Variants in RYR2 observed in about 807,000 individuals in gnomAD.
RYR2 encodes the protein cardiac muscle ryanodine receptor-calcium release channel.
A neutral mutation model predicts 601.1 loss-of-function variants in RYR2; 227 were observed. The observed-to-expected ratio is 0.38, with a 90% CI of 0.34 to 0.42. RYR2 has a LOEUF of 0.42. RYR2 is among the 10% of genes least tolerant of loss of function. The pLI is 1.00. For synonymous variants in RYR2, 2,223 were observed against 2,175.1 expected, an observed-to-expected ratio of 1.02 and a Z score of -0.61; for missense variants, 4,646 against 6,156.5, an observed-to-expected ratio of 0.75 and a Z score of 8.21.
intron 25 of RYR2, 56 bp from the exon 26 acceptor site, chr1:237,548,375 A>C: frequency 6.4e-7 from 1 of 1,570,458 alleles, no homozygotes; most frequent in Admixed American, 1.8e-5. Flanking sequence ...TGATATTTAC[A>C]GAGATTTTTA....
At chr1:237,397,179 A>G (rs989754243) in intron 10 of RYR2, among the ~76,000 whole-genome samples, 1 of 151,994 alleles carries the variant, frequency 6.6e-6, no homozygotes. Context: ...TGGAGATTGC[A>G]GTGAGCTGAG....
intron 2 of RYR2, among the ~76,000 whole-genome samples, chr1:237,309,702 C>T (rs1416243160): frequency 2.0e-5 from 3 of 152,270 alleles, no homozygotes; most frequent in East Asian, 1.9e-4. Context: ...CGGGGAGGCT[C>T]GGACACGCAG....
intron 25 of RYR2, among the ~76,000 whole-genome samples, chr1:237,530,990 A>G (rs1481101956): frequency 2.6e-5 from 4 of 152,304 alleles, no homozygotes; most frequent in East Asian, 3.9e-4. Flanking sequence ...GTGAAACAAT[A>G]GTTTCTATCA....
chr1:237,255,209 G>A (rs1366628743), intron 1 of RYR2, among the ~76,000 whole-genome samples: 2 of 152,152 alleles, frequency 1.3e-5, no homozygotes, highest in Non-Finnish European at 2.9e-5. Flanking sequence ...TTTTGTTGAT[G>A]TTACTGTTTG....
At chr1:237,732,207 TGA>T in intron 78 of RYR2, 58 bp downstream of exon 78, 2 of 994,274 alleles carry the variant, frequency 2.0e-6, no homozygotes, top group Non-Finnish European at 3.1e-6. Context: ...CACCCGTGTC[TGA>T]GTATTCTGTG....
chr1:237,202,937 C>A (rs1053445039), intron 1 of RYR2, among the ~76,000 whole-genome samples: 1 of 152,160 alleles, frequency 6.6e-6, no homozygotes, highest in Non-Finnish European at 1.5e-5. Flanking sequence ...ACCATAGAAA[C>A]AACTTTCTAA....
chr1:237,252,666 A>G (rs1687575009), intron 1 of RYR2, among the ~76,000 whole-genome samples: 2 of 152,290 alleles, frequency 1.3e-5, no homozygotes, highest in South Asian at 2.1e-4. Context: ...TATTCTGGTA[A>G]TTGTTTCCTG....
At chr1:237,815,528 G>A (rs2794832) in intron 100 of RYR2, among the ~76,000 whole-genome samples, 37,289 of 152,060 alleles carry the variant, frequency 0.25, 5,019 homozygotes, top group East Asian at 0.56. Flanking sequence ...TAAATAATCA[G>A]ATGCACAAGA....
At chr1:237,245,339 C>CT (rs1474533483) in intron 1 of RYR2, among the ~76,000 whole-genome samples, 1 of 152,074 alleles carries the variant, frequency 6.6e-6, no homozygotes, top group African/African-American at 2.4e-5. Flanking sequence ...CATGGCTTAC[C>CT]ACATTGAGCA....
chr1:237,801,747 A>G (rs945133642), intron 97 of RYR2, 109 bp from the exon 98 acceptor site: 9 of 575,682 alleles, frequency 1.6e-5, no homozygotes, highest in South Asian at 2.9e-5. Flanking sequence ...TTTCCCAAGA[A>G]GGTGTCCAAG....
At chr1:237,676,524 C>T (rs920019869) in intron 60 of RYR2, among the ~76,000 whole-genome samples, 2 of 152,092 alleles carry the variant, frequency 1.3e-5, no homozygotes, top group Non-Finnish European at 2.9e-5. Context: ...TTGTGTGTAC[C>T]GTTTTCAGAT....
chr1:237,766,845 G>A (rs910469947), intron 84 of RYR2, among the ~76,000 whole-genome samples: 3 of 152,064 alleles, frequency 2.0e-5, no homozygotes, highest in South Asian at 2.1e-4. Context: ...GGTCATTTTC[G>A]TTGTCTTGGC....
intron 54 of RYR2, among the ~76,000 whole-genome samples, chr1:237,658,550 C>T (rs527893407): frequency 8.5e-4 from 129 of 152,208 alleles, no homozygotes; most frequent in African/African-American, 3.0e-3. Flanking sequence ...CACCACCATA[C>T]CTTGCTAATT....
chr1:237,818,287 G>T (rs1662062346), intron 100 of RYR2, among the ~76,000 whole-genome samples: 1 of 152,176 alleles, frequency 6.6e-6, no homozygotes, highest in African/African-American at 2.4e-5. Context: ...CTAAGGGGTA[G>T]AGATCAAGGG....
chr1:237,446,253 A>T (rs1330785789), intron 14 of RYR2, among the ~76,000 whole-genome samples: 1 of 152,174 alleles, frequency 6.6e-6, no homozygotes, highest in East Asian at 1.9e-4. Context: ...CTTGTGACCA[A>T]CATGTTTTCT....
At chr1:237,156,188 C>G (rs1675310883) in intron 1 of RYR2, among the ~76,000 whole-genome samples, 1 of 152,200 alleles carries the variant, frequency 6.6e-6, no homozygotes, top group Non-Finnish European at 1.5e-5. Flanking sequence ...TGGGACCCCA[C>G]CCAGGTGCTA....
chr1:237,432,311 G>A (rs1226377262), intron 12 of RYR2, among the ~76,000 whole-genome samples: 1 of 151,946 alleles, frequency 6.6e-6, no homozygotes, highest in Non-Finnish European at 1.5e-5. Flanking sequence ...TATTTCAAAT[G>A]AGCTCCGAAT....
At chr1:237,399,795 C>T (rs548900987) in intron 10 of RYR2, among the ~76,000 whole-genome samples, 16 of 151,830 alleles carry the variant, frequency 1.1e-4, no homozygotes, top group East Asian at 3.9e-4. Flanking sequence ...GTGTGTGAGA[C>T]GTGCAGTTTC....
intron 2 of RYR2, among the ~76,000 whole-genome samples, chr1:237,328,272 GT>G (rs554335068): frequency 2.0e-5 from 3 of 151,706 alleles, no homozygotes; most frequent in Non-Finnish European, 2.9e-5. Context: ...TACATTAACA[GT>G]TTTTTTTACA....
Sources: allele counts gnomAD v4.1 joint callset (sites outside exome capture counted in the v4.1 genomes callset), GRCh38; gene constraint gnomAD v4.1.1; transcripts MANE v1.5; gene names NCBI Gene and HGNC (gene_info 2026-07-23, HGNC 2026-07-21).